ATP6V1H: variants seen among roughly 807,000 people sequenced by gnomAD.
The protein encoded by ATP6V1H is V-type proton ATPase subunit H.
In ATP6V1H, 39 loss-of-function variants were observed where a neutral mutation model predicts 71.7. That is an observed-to-expected ratio of 0.54 (90% CI 0.42 to 0.71). The LOEUF (loss-of-function observed/expected upper bound fraction) is 0.71, where lower values mean the gene tolerates loss of function less well. Ranked by LOEUF, ATP6V1H falls within the 30% of genes least tolerant of loss-of-function variation. The pLI, the probability that ATP6V1H is intolerant of heterozygous loss-of-function variation, is 0.00. For synonymous variants in ATP6V1H, 192 were observed against 199.3 expected (o/e 0.96, Z 0.31); for missense variants, 509 against 594.9 (o/e 0.86, Z 1.50).
intron 9 of ATP6V1H, among the ~76,000 whole-genome samples, chr8:53,790,440 A>G (rs1442309754): frequency 6.6e-6 from 1 of 152,198 alleles, no homozygotes; most frequent in Admixed American, 6.5e-5. Context: ...CCCTTTATAC[A>G]GTCACAAATA....
intron 2 of ATP6V1H, among the ~76,000 whole-genome samples, chr8:53,836,986 C>T (rs920538610): frequency 1.3e-5 from 2 of 152,014 alleles, no homozygotes. Context: ...ACTAAAAATA[C>T]AAAAATTAGC....
Position 53,833,032 on chromosome 8 carries a change from T to C in ATP6V1H, c.168A>G (p.Lys56=), listed in dbSNP as rs2130529163. 1 of 1,613,936 alleles carries C rather than the reference T, an allele frequency of 6.2e-7. No individual in the cohort carries two copies. The highest frequency in any genetic ancestry group is 2.2e-5 in the East Asian group (1 of 44,868). ...DCEFIQRFEM[K]RSPEEKQEML... ...TCTCTTGCTTCTCTTCAGGGCTTCG[T>C]TTCATTTCAAACCTCTGAATAAACT... The change falls in exon 3 of 14, where the codon AAA becomes AAG. Residue 56 remains lysine, a synonymous_variant. Coordinates refer to ENST00000359530, the MANE Select transcript of ATP6V1H (RefSeq NM_015941.4).
At chr8:53,738,813 A>T (rs1807317854) in intron 13 of ATP6V1H, among the ~76,000 whole-genome samples, 1 of 152,228 alleles carries the variant, frequency 6.6e-6, no homozygotes, top group Non-Finnish European at 1.5e-5. Flanking sequence ...AAAAGTTAAT[A>T]CAGTCTTAGG....
chr8:53,722,010 G>A lies in ATP6V1H; in HGVS notation c.1392-5986C>T, dbSNP rs564316271. On this transcript the variant is annotated intron_variant, in intron 13 of 13. Transcript: ENST00000359530. ...AAATGTACATTTTAAAAGAAATTGC[G>A]TTAAAGAGTGTATTCTAAAAGCAAT... Among the ~76,000 whole-genome samples, 365 of 152,272 alleles carry A rather than the reference G, an allele frequency of 2.4e-3. 3 individuals are homozygous for A. Among genetic ancestry groups the A allele is most frequent in the African/African-American group, 8.3e-3 (345 of 41,554 alleles).
chr8:53,828,360 G>A (rs191631304), intron 4 of ATP6V1H, among the ~76,000 whole-genome samples: 31 of 152,274 alleles, frequency 2.0e-4, no homozygotes, highest in East Asian at 9.7e-4. Context: ...GTGGTGCTGC[G>A]CTGAAATGTA....
chr8:53,843,080 G>C lies in ATP6V1H; in HGVS notation c.-82C>G, dbSNP rs989147277. On this transcript the variant is annotated 5_prime_UTR_variant, in exon 1 of 14. Transcript: ENST00000359530. ...ACAACGCACCCAAAGCCGGCAGGGAGGGTGGTCCGGGGCGCCGGGGACACA... is the reference window on the plus strand; with the variant it reads ...ACAACGCACCCAAAGCCGGCAGGGACGGTGGTCCGGGGCGCCGGGGACACA... 2.0e-5 allele frequency: 3 copies of C among 152,670 alleles called. No homozygotes were observed. The highest frequency in any genetic ancestry group is 7.2e-5 in the African/African-American group (3 of 41,606). The allele number at this position is 152,670 out of a possible 1,614,324, so 9.5% of individuals were successfully genotyped here. A position where few individuals can be genotyped will look rare whatever the true frequency, so the allele number is the denominator to read the frequency against.
chr8:53,764,640 C>T (rs1017235462), intron 11 of ATP6V1H, among the ~76,000 whole-genome samples: 14 of 152,158 alleles, frequency 9.2e-5, no homozygotes, highest in Admixed American at 4.6e-4. Context: ...GATGTACCCT[C>T]TCATCACTCT....
At chr8:53,818,243 T>C (rs570468064) in intron 4 of ATP6V1H, among the ~76,000 whole-genome samples, 1 of 152,326 alleles carries the variant, frequency 6.6e-6, no homozygotes, top group East Asian at 1.9e-4. Context: ...AGCAATACTT[T>C]TTCTGATTAA....
chr8:53,744,284 C>T (rs1807519242), intron 12 of ATP6V1H, among the ~76,000 whole-genome samples: 1 of 152,136 alleles, frequency 6.6e-6, no homozygotes, highest in Admixed American at 6.5e-5. Context: ...ATCTTCGAGA[C>T]CACCGAGATG....
At chr8:53,815,356 C>T (rs1314134753) in intron 5 of ATP6V1H, among the ~76,000 whole-genome samples, 1 of 152,196 alleles carries the variant, frequency 6.6e-6, no homozygotes, top group Non-Finnish European at 1.5e-5. Flanking sequence ...GTTCTCCATA[C>T]ACAAACCAAT....
At chr8:53,780,845 C>G (rs1386164330) in intron 9 of ATP6V1H, among the ~76,000 whole-genome samples, 1 of 152,166 alleles carries the variant, frequency 6.6e-6, no homozygotes, top group East Asian at 1.9e-4. Context: ...CCAGCTTCAT[C>G]CATGTCCCTA....
chr8:53,841,014 T>A (rs1175443693), intron 2 of ATP6V1H, among the ~76,000 whole-genome samples: 4 of 152,228 alleles, frequency 2.6e-5, no homozygotes, highest in African/African-American at 9.7e-5. Flanking sequence ...TCTACTGTGC[T>A]AATAAATACA....
chr8:53,781,722 G>T (rs1370129045), intron 9 of ATP6V1H, among the ~76,000 whole-genome samples: 2 of 151,936 alleles, frequency 1.3e-5, no homozygotes, highest in African/African-American at 4.8e-5. Flanking sequence ...TTTGTATAAG[G>T]TGTAAGGAAG....
intron 8 of ATP6V1H, among the ~76,000 whole-genome samples, chr8:53,798,996 G>T (rs150373663): frequency 6.6e-6 from 1 of 152,196 alleles, no homozygotes; most frequent in East Asian, 1.9e-4. Flanking sequence ...CCAAATTTTG[G>T]TATTTGAGTT....
At chr8:53,760,971 A>T (rs1034128867) in intron 11 of ATP6V1H, among the ~76,000 whole-genome samples, 2 of 152,176 alleles carry the variant, frequency 1.3e-5, no homozygotes, top group Non-Finnish European at 2.9e-5. Context: ...TTCTCCATTA[A>T]CAAGAATAAA....
intron 9 of ATP6V1H, among the ~76,000 whole-genome samples, chr8:53,774,269 A>G (rs1356280584): frequency 6.6e-6 from 1 of 152,250 alleles, no homozygotes; most frequent in Non-Finnish European, 1.5e-5. Flanking sequence ...TGAGTTTATA[A>G]TTCACAGACA....
intron 13 of ATP6V1H, among the ~76,000 whole-genome samples, chr8:53,734,090 A>G (rs758497285): frequency 5.3e-5 from 8 of 152,192 alleles, no homozygotes; most frequent in Admixed American, 1.3e-4. Context: ...AAGCCCCCCA[A>G]TGCTGTGGTG....
intron 2 of ATP6V1H, among the ~76,000 whole-genome samples, chr8:53,838,720 A>G (rs958655989): frequency 6.6e-6 from 1 of 152,156 alleles, no homozygotes; most frequent in African/African-American, 2.4e-5. Flanking sequence ...ATGTATGTCT[A>G]TTTATTAAGA....
At chr8:53,778,733 A>G (rs1320726003) in intron 9 of ATP6V1H, among the ~76,000 whole-genome samples, 1 of 152,234 alleles carries the variant, frequency 6.6e-6, no homozygotes, top group African/African-American at 2.4e-5. Context: ...ATCAATAGTT[A>G]TTGTAAATGC....
Sources: gnomAD v4.1 joint callset for allele counts (sites outside exome capture counted in the v4.1 genomes callset) on GRCh38, gnomAD v4.1.1 for gene constraint, MANE v1.5 for transcripts, NCBI Gene and HGNC (gene_info 2026-07-23, HGNC 2026-07-21) for gene names.